Variants in NEK10 observed in about 807,000 individuals in gnomAD.
The protein encoded by NEK10 is NIMA related kinase 10, also known as serine/threonine-protein kinase Nek10.
Under a neutral mutation model 159.8 loss-of-function variants are expected in NEK10, and 122 were observed. The ratio of observed to expected loss-of-function variants is 0.76; its 90% CI spans 0.66 to 0.89. The LOEUF (loss-of-function observed/expected upper bound fraction) is 0.89. Ranked by LOEUF, NEK10 falls within the 40% of genes least tolerant of loss-of-function variation. NEK10 has a pLI of 0.00. For synonymous variants in NEK10, 466 were observed against 457.1 expected (o/e 1.02, Z -0.25); for missense variants, 1,342 against 1,323.1 (o/e 1.01, Z -0.22).
chr3:27,332,093 G>A (rs1371293714), intron 5 of NEK10, among the ~76,000 whole-genome samples: 11 of 152,160 alleles, frequency 7.2e-5, no homozygotes, highest in Admixed American at 7.2e-4. Context: ...GTACCAGAAC[G>A]AGGCCAGTTA....
At chr3:27,342,657 G>A (rs1208300877) in intron 5 of NEK10, among the ~76,000 whole-genome samples, 2 of 151,938 alleles carry the variant, frequency 1.3e-5, no homozygotes, top group African/African-American at 4.8e-5. Context: ...GAGATCTCTC[G>A]ACTTTAGAAT....
chr3:27,225,920 C>T (rs1247207723), intron 23 of NEK10, among the ~76,000 whole-genome samples: 3 of 152,086 alleles, frequency 2.0e-5, no homozygotes, highest in Admixed American at 6.6e-5. Context: ...GTAGGAAGTC[C>T]CCCCCAGATA....
intron 20 of NEK10, among the ~76,000 whole-genome samples, chr3:27,286,865 C>T (rs866104232): frequency 6.6e-6 from 1 of 151,808 alleles, no homozygotes. Flanking sequence ...GCTAAGGGGA[C>T]AGGATTTACT....
At chr3:27,301,904 C>T (rs2043855179) in intron 12 of NEK10, 69 bp from the exon 13 acceptor site, 3 of 1,264,560 alleles carry the variant, frequency 2.4e-6, no homozygotes, top group South Asian at 2.6e-5. Flanking sequence ...TTCTGTGTCA[C>T]ATTTAAGAAA....
chr3:27,233,380 G>A (rs1293567835), intron 23 of NEK10, among the ~76,000 whole-genome samples: 1 of 151,514 alleles, frequency 6.6e-6, no homozygotes, highest in Non-Finnish European at 1.5e-5. Flanking sequence ...TAATTAAAAC[G>A]TTTTTTTAAA....
chr3:27,311,747 T>C (rs1366720351), intron 8 of NEK10: 1 of 242,826 alleles, frequency 4.1e-6, no homozygotes, highest in Non-Finnish European at 8.0e-6. Flanking sequence ...TCAGATTCTA[T>C]GAGGTAGGCA....
intron 23 of NEK10, among the ~76,000 whole-genome samples, chr3:27,230,349 C>A (rs1384228310): frequency 2.6e-5 from 4 of 152,002 alleles, no homozygotes; most frequent in African/African-American, 9.7e-5. Flanking sequence ...GAAACTAGCA[C>A]TACAAGAAAT....
At chr3:27,190,562 G>A (rs79520262) in intron 26 of NEK10, among the ~76,000 whole-genome samples, 34,751 of 152,080 alleles carry the variant, frequency 0.23, 4,293 homozygotes, top group Middle Eastern at 0.38. Context: ...TTTTGCTAAA[G>A]ATAACAGACT....
intron 26 of NEK10, among the ~76,000 whole-genome samples, chr3:27,181,453 C>A (rs575835508): frequency 1.8e-4 from 28 of 151,886 alleles, no homozygotes; most frequent in Admixed American, 1.5e-3. Context: ...AGGCTGAAGA[C>A]GAGGAAGAGG....
intron 23 of NEK10, among the ~76,000 whole-genome samples, chr3:27,247,820 C>CTTTTTTTTTTTT (rs111440414): frequency 4.0e-5 from 5 of 125,922 alleles, no homozygotes; most frequent in Non-Finnish European, 3.3e-5. Flanking sequence ...CTTTTCTTTT[C>CTTTTTTTTTTTT]TTTTTTTTTT....
intron 17 of NEK10, 29 bp downstream of exon 17, chr3:27,291,455 T>C (rs1382686191): frequency 6.2e-7 from 1 of 1,601,580 alleles, no homozygotes; most frequent in Non-Finnish European, 8.6e-7. Context: ...CATAGCAGCC[T>C]GCCAAAATAT....
chr3:27,260,360 C>A (rs2040293628), intron 22 of NEK10, among the ~76,000 whole-genome samples: 1 of 152,140 alleles, frequency 6.6e-6, no homozygotes, highest in Non-Finnish European at 1.5e-5. Context: ...GTGGGTTTGT[C>A]ATAGATAGCT....
At chr3:27,113,202 G>C (rs1298246560) in intron 35 of NEK10, among the ~76,000 whole-genome samples, 8 of 148,684 alleles carry the variant, frequency 5.4e-5, no homozygotes, top group Non-Finnish European at 1.2e-4. Flanking sequence ...GGGAGGCCAA[G>C]GCAGGTGGAT....
At chr3:27,184,404 T>A (rs552156722) in intron 26 of NEK10, among the ~76,000 whole-genome samples, 92 of 152,316 alleles carry the variant, frequency 6.0e-4, no homozygotes, top group African/African-American at 2.1e-3. Context: ...GTCTACGTCC[T>A]GGGGCAGAGA....
chr3:27,189,066 C>T (rs1381065468), intron 26 of NEK10, among the ~76,000 whole-genome samples: 1 of 152,206 alleles, frequency 6.6e-6, no homozygotes, highest in South Asian at 2.1e-4. Context: ...TCCTTTTACT[C>T]TACATGATTC....
chr3:27,259,248 T>G (rs2040181184), intron 22 of NEK10, among the ~76,000 whole-genome samples: 1 of 152,250 alleles, frequency 6.6e-6, no homozygotes, highest in African/African-American at 2.4e-5. Flanking sequence ...CAATTTTGGC[T>G]TTTGTTGCCA....
rs150497595 is a variant in NEK10, at chr3:27,279,052, A to T, written c.2014+5550T>A. Reference sequence around the variant, plus strand: ...ATATTTAGACTTAAAAATATATAGCATTTGCAAAACCAAGCATAGCAGAAT... The same window carrying T: ...ATATTTAGACTTAAAAATATATAGCTTTTGCAAAACCAAGCATAGCAGAAT... On this transcript the variant is annotated intron_variant, in intron 22 of 35. Coordinates refer to ENST00000691995, the MANE Select transcript of NEK10 (RefSeq NM_001394966.1). 482 of 405,944 alleles carry T rather than the reference A, an allele frequency of 1.2e-3. 4 individuals carry two copies. The highest frequency in any genetic ancestry group is 0.01 in the African/African-American group (469 of 46,286). 25.1% of individuals were successfully genotyped at this position (405,944 alleles called of 1,614,324 possible).
chr3:27,325,505 T>C (rs992863135), intron 5 of NEK10, among the ~76,000 whole-genome samples: 1 of 152,092 alleles, frequency 6.6e-6, no homozygotes, highest in African/African-American at 2.4e-5. Context: ...GTCTCCTCTA[T>C]GATCCTGAGA....
chr3:27,358,900 C>T (rs542987973), intron 1 of NEK10, among the ~76,000 whole-genome samples: 4 of 152,066 alleles, frequency 2.6e-5, no homozygotes, highest in Admixed American at 6.5e-5. Flanking sequence ...TGGTTAAAAA[C>T]GGTACTTATA....
Sources: allele counts gnomAD v4.1 joint callset (sites outside exome capture counted in the v4.1 genomes callset), GRCh38; gene constraint gnomAD v4.1.1; transcripts MANE v1.5; gene names NCBI Gene and HGNC (gene_info 2026-07-23, HGNC 2026-07-21).